The following TMC3 variants were observed in gnomAD, a reference collection of about 807,000 sequenced individuals.
TMC3 encodes the protein transmembrane channel like 3, also known as transmembrane channel-like protein 3.
TMC3 carries 98 observed loss-of-function variants against 110.6 expected under a neutral mutation model. The observed-to-expected ratio is 0.89, with a 90% CI of 0.75 to 1.05. The LOEUF is 1.05. TMC3 is among the 50% of genes least tolerant of loss of function. TMC3 has a pLI of 0.00. For synonymous variants in TMC3, 489 were observed against 513.1 expected, an observed-to-expected ratio of 0.95 and a Z score of 0.63; for missense variants, 1,319 against 1,373.2, an observed-to-expected ratio of 0.96 and a Z score of 0.62.
intron 19 of TMC3, 27 bp from the exon 20 acceptor site, chr15:81,336,678 G>A (rs1893604222): frequency 5.0e-6 from 8 of 1,613,228 alleles, no homozygotes; most frequent in East Asian, 2.2e-5. Flanking sequence ...ATGCATGTTT[G>A]TTTTGGCTTT....
At chr15:81,344,653 C>T (rs760485381) in intron 13 of TMC3, 113 bp downstream of exon 13, 2 of 1,093,504 alleles carry the variant, frequency 1.8e-6, no homozygotes, top group East Asian at 4.9e-5. Context: ...AATCATAAAC[C>T]TCACTGAACT....
chr15:81,340,393 CAT>C (rs937878100), intron 16 of TMC3, among the ~76,000 whole-genome samples: 12 of 152,066 alleles, frequency 7.9e-5, no homozygotes, highest in African/African-American at 2.7e-4. Flanking sequence ...ACATATATAA[CAT>C]ATATAAATAT....
At chr15:81,367,603 T>C (rs1208150436) in intron 3 of TMC3, among the ~76,000 whole-genome samples, 1 of 152,174 alleles carries the variant, frequency 6.6e-6, no homozygotes, top group Non-Finnish European at 1.5e-5. Context: ...AGCTTTCTCA[T>C]TGTAAGAAAT....
At chr15:81,351,619 T>A (rs957693767) in intron 10 of TMC3, 75 bp downstream of exon 10, 3 of 1,523,050 alleles carry the variant, frequency 2.0e-6, no homozygotes, top group Middle Eastern at 1.9e-4. Context: ...CCCAAAGTGC[T>A]GGGATTACAG....
At chr15:81,334,603 T>C in intron 21 of TMC3, 117 bp downstream of exon 21, 1 of 1,372,322 alleles carries the variant, frequency 7.3e-7, no homozygotes, top group Non-Finnish European at 9.7e-7. Flanking sequence ...TGTCATAGTC[T>C]CCTGACCCAT....
chr15:81,348,230 A>C (rs1367962373), intron 11 of TMC3, among the ~76,000 whole-genome samples: 1 of 152,196 alleles, frequency 6.6e-6, no homozygotes, highest in Non-Finnish European at 1.5e-5. Context: ...AATGAGAGCA[A>C]ATCTTCCCAA....
chr15:81,338,655 A>T lies in TMC3; in HGVS notation c.2081T>A (p.Phe694Tyr). The change falls in exon 18 of 22, where the codon TTC becomes TAC. Residue 694 changes from phenylalanine to tyrosine, a missense_variant and splice_region_variant. By Grantham distance (22) the Phe-to-Tyr change is conservative. Coordinates refer to ENST00000359440, the MANE Select transcript of TMC3 (RefSeq NM_001080532.3). ...VVILPAVLLL[F>Y]MLIYYLQSIA... ...CAAAGCTGGCAGGTGTGGTACTCAC[A>T]AAAGCAGGAGTACTGCGGGCAGGAT... 6.2e-7 allele frequency: 1 copy of T among 1,613,980 alleles called. No homozygotes were observed. Among genetic ancestry groups the T allele is most frequent in the South Asian group, 1.1e-5 (1 of 91,060 alleles).
intron 3 of TMC3, among the ~76,000 whole-genome samples, chr15:81,364,689 A>AAACC (rs1555429378): frequency 1.4e-5 from 2 of 141,306 alleles, no homozygotes; most frequent in African/African-American, 5.4e-5. Flanking sequence ...TAATAAAAAA[A>AAACC]AACATTATTC....
chr15:81,366,359 G>T (rs1345275752), intron 3 of TMC3, among the ~76,000 whole-genome samples: 1 of 152,220 alleles, frequency 6.6e-6, no homozygotes, highest in Non-Finnish European at 1.5e-5. Context: ...AGAACAGCCA[G>T]TACAAGTTGT....
At chr15:81,355,365 G>A (rs1303415677) in intron 9 of TMC3, among the ~76,000 whole-genome samples, 1 of 152,170 alleles carries the variant, frequency 6.6e-6, no homozygotes, top group Non-Finnish European at 1.5e-5. Context: ...TGAAAGGCTT[G>A]TGAACACCAA....
intron 12 of TMC3, 28 bp from the exon 13 acceptor site, chr15:81,345,039 G>C: frequency 2.6e-6 from 4 of 1,549,222 alleles, no homozygotes; most frequent in Non-Finnish European, 3.5e-6. Flanking sequence ...GAGAGAGAGG[G>C]AAGCAGGGGA....
At chr15:81,354,293 C>T (rs961851783) in intron 9 of TMC3, among the ~76,000 whole-genome samples, 1 of 152,072 alleles carries the variant, frequency 6.6e-6, no homozygotes, top group Admixed American at 6.6e-5. Flanking sequence ...GAGTGGAGGT[C>T]CTGGAGTGGA....
At chr15:81,354,222 A>G (rs560401343) in intron 9 of TMC3, among the ~76,000 whole-genome samples, 14 of 152,156 alleles carry the variant, frequency 9.2e-5, no homozygotes, top group Non-Finnish European at 1.8e-4. Context: ...TCCTTTTTGC[A>G]GATAGTTTAT....
intron 1 of TMC3, among the ~76,000 whole-genome samples, chr15:81,373,043 G>A (rs928488818): frequency 6.6e-6 from 1 of 152,124 alleles, no homozygotes; most frequent in African/African-American, 2.4e-5. Flanking sequence ...CACAAGATGA[G>A]ACAAGAGGGT....
chr15:81,364,639 A>G (rs1894265075), intron 3 of TMC3, among the ~76,000 whole-genome samples: 1 of 150,750 alleles, frequency 6.6e-6, no homozygotes, highest in Non-Finnish European at 1.5e-5. Context: ...ATATGTAACT[A>G]ACCTGCACAA....
intron 7 of TMC3, among the ~76,000 whole-genome samples, 170 bp from the exon 8 acceptor site, chr15:81,356,764 T>C (rs926997980): frequency 3.9e-5 from 6 of 152,206 alleles, no homozygotes; most frequent in African/African-American, 9.7e-5. Context: ...CTGCCCATGC[T>C]TGTGACCTCA....
chr15:81,341,267 G>T, intron 16 of TMC3, 123 bp downstream of exon 16: 1 of 1,072,294 alleles, frequency 9.3e-7, no homozygotes, highest in African/African-American at 1.6e-5. Context: ...TGGAGGACAG[G>T]CAAGATTTTG....
In TMC3 at chr15:81,344,798, G is replaced by T. The variant is rs1388646459; in HGVS notation, c.1486C>A (p.Gln496Lys). The T allele has an allele frequency of 1.2e-6, 2 of 1,613,954 alleles. No homozygotes were observed. Among genetic ancestry groups the T allele is most frequent in the Admixed American group, 1.7e-5 (1 of 60,016 alleles). Reference sequence around the variant, plus strand: ...ACGTATGTCTCCCAGCACTGGTCTTGTGGACTCTGAGTGTGGAGGCTAGTC... The same window carrying T: ...ACGTATGTCTCCCAGCACTGGTCTTTTGGACTCTGAGTGTGGAGGCTAGTC... ...NKTSLHTQSP[Q>K]DQCWETYVGQ... The change falls in exon 13 of 22, where the codon CAA becomes AAA. Residue 496 changes from glutamine to lysine, a missense_variant. Transcript: ENST00000359440.
intron 9 of TMC3, among the ~76,000 whole-genome samples, chr15:81,354,111 G>T (rs1313874395): frequency 6.6e-6 from 1 of 152,158 alleles, no homozygotes; most frequent in African/African-American, 2.4e-5. Context: ...TCTAACACTG[G>T]AGGACAACTC....
Sources: gnomAD v4.1 joint callset for allele counts (sites outside exome capture counted in the v4.1 genomes callset) on GRCh38, gnomAD v4.1.1 for gene constraint, MANE v1.5 for transcripts, NCBI Gene and HGNC (gene_info 2026-07-23, HGNC 2026-07-21) for gene names.